The following OR10V1 variants were observed in gnomAD, a reference collection of about 807,000 sequenced individuals.
OR10V1 encodes olfactory receptor family 10 subfamily V member 1, also known as olfactory receptor 10V1.
For missense variants in OR10V1, 391 were observed against 378.8 expected (o/e 1.03, Z -0.27); for synonymous variants, 139 against 148.2 (o/e 0.94, Z 0.45).
Position 59,713,559 on chromosome 11 carries a change from G to C in OR10V1, c.287C>G (p.Thr96Arg). ...GAAAAACATCTGGGTGCCACATCCC[G>C]TGATGGAAACAGGAGTTTTGCCCAT... The part of the protein sequence containing the change: ...LSMGKTPVSI[T>R]GCGTQMFFFV... The change falls in exon 1 of 1, where the codon ACG (threonine) becomes AGG (arginine). Residue 96 changes from threonine (T) to arginine (R), a missense_variant. Transcript: ENST00000307552. 1 of 1,614,164 alleles carries C rather than the reference G, an allele frequency of 6.2e-7. No individual in the cohort carries two copies. The highest frequency in any genetic ancestry group is 8.5e-7 in the Non-Finnish European group (1 of 1,180,036).
rs200469203 is a variant in OR10V1, at chr11:59,713,629, A to G, written c.217T>C (p.Tyr73His). 6.2e-7 allele frequency: 1 copy of G among 1,614,140 alleles called. No homozygotes were observed. The highest frequency in any genetic ancestry group is 8.5e-7 in the Non-Finnish European group (1 of 1,180,022). Reference sequence around the variant, plus strand: ...GCCAATGGGGTGATGGAAGATGTATAGAAGATTTCTAGAACTGCCAGATTA... The same window carrying G: ...GCCAATGGGGTGATGGAAGATGTATGGAAGATTTCTAGAACTGCCAGATTA... ...LANLAVLEIFYTSSITPLALA... is the reference protein window; with the variant it reads ...LANLAVLEIFHTSSITPLALA... The change falls in exon 1 of 1, where the codon TAT (tyrosine) becomes CAT (histidine). Residue 73 changes from tyrosine to histidine, a missense_variant. Tyr to His is a moderately conservative substitution (Grantham distance 83). Transcript: ENST00000307552.
rs1177191101 is a variant in OR10V1, at chr11:59,713,392, G to C, written c.454C>G (p.Leu152Val). 3.1e-6 allele frequency: 5 copies of C among 1,613,648 alleles called. No individual in the cohort carries two copies. Among genetic ancestry groups the C allele is most frequent in the Non-Finnish European group, 4.2e-6 (5 of 1,179,974 alleles). ...CVELLVGSLV[L>V]GFLLSLPLTI... The stretch of plus-strand genomic sequence containing the variant: ...AGTGGCAGTGACAACAGGAACCCCA[G>C]CACCAAGGAGCCTACCAGCAGCTCC... The change falls in exon 1 of 1, where the codon CTG (leucine) becomes GTG (valine). Residue 152 changes from leucine (L) to valine (V), a missense_variant. Transcript: ENST00000307552.
In OR10V1 at chr11:59,713,772, A is replaced by C; in HGVS notation, c.74T>G (p.Met25Arg). The C allele has an allele frequency of 6.2e-7, 1 of 1,614,058 alleles. No individual in the cohort carries two copies. The highest frequency in any genetic ancestry group is 1.3e-5 in the African/African-American group (1 of 75,022). Residue 25 changes from methionine to arginine, a missense_variant, in exon 1 of 1, where the codon ATG becomes AGG. By Grantham distance (91) the Met-to-Arg change is moderately conservative. Coordinates refer to ENST00000307552, the MANE Select transcript of OR10V1 (RefSeq NM_001005324.1). ...RPFSPDPEVQ[M>R]LIFVVFLMMY... is the part of the protein sequence containing the mutation. Reference sequence around the variant, plus strand: ...CATCAGGAAGACCACAAAAATCAGCATCTGGACCTCAGGGTCAGGTGAGAA... The same window carrying C: ...CATCAGGAAGACCACAAAAATCAGCCTCTGGACCTCAGGGTCAGGTGAGAA...
Position 59,713,411 on chromosome 11 carries a change from C to T in OR10V1, c.435G>A (p.Leu145=). 1 of 1,613,800 alleles carries T rather than the reference C, an allele frequency of 6.2e-7. No individual in the cohort carries two copies. The highest frequency in any genetic ancestry group is 8.5e-7 in the Non-Finnish European group (1 of 1,179,942). The change falls in exon 1 of 1, where the codon CTG becomes CTA. Residue 145 remains leucine, a synonymous_variant. Transcript: ENST00000307552. ...LIMSWSLCVE[L]LVGSLVLGFL... Reference sequence around the variant, plus strand: ...ACCCCAGCACCAAGGAGCCTACCAGCAGCTCCACACACAAGGACCAGCTCA... The same window carrying T: ...ACCCCAGCACCAAGGAGCCTACCAGTAGCTCCACACACAAGGACCAGCTCA...
chr11:59,713,521 C>T lies in OR10V1; in HGVS notation c.325G>A (p.Gly109Ser), dbSNP rs202070215. Residue 109 changes from glycine (G) to serine (S), a missense_variant, in exon 1 of 1, where the codon GGT (glycine) becomes AGT (serine). By Grantham distance (56) the Gly-to-Ser change is moderately conservative. Coordinates refer to ENST00000307552, the MANE Select transcript of OR10V1 (RefSeq NM_001005324.1). ...ACCAGCAGGACACAATCAGCCCCAC[C>T]CAAGAAGACAAAGAAAAACATCTGG... ...GTQMFFFVFL[G>S]GADCVLLVVM... The T allele has an allele frequency of 8.1e-6, 13 of 1,614,028 alleles. No homozygotes were observed. The African/African-American group carries it at 1.7e-4, about 22-fold the overall frequency.
rs537595 is a variant in OR10V1 at position 59,713,543 on chromosome 11, C to T, written c.303G>A (p.Gln101=). ...CACCCAAGAAGACAAAGAAAAACATCTGGGTGCCACATCCCGTGATGGAAA... is the reference window on the plus strand; with the variant it reads ...CACCCAAGAAGACAAAGAAAAACATTTGGGTGCCACATCCCGTGATGGAAA... ...TPVSITGCGT[Q]MFFFVFLGGA... Residue 101 remains glutamine, a synonymous_variant, in exon 1 of 1, where the codon CAG becomes CAA. Coordinates refer to ENST00000307552, the MANE Select transcript of OR10V1 (RefSeq NM_001005324.1). The T allele has an allele frequency of 0.037, 58,919 of 1,613,990 alleles. 4,311 individuals are homozygous for T. The highest frequency in any genetic ancestry group is 0.27 in the African/African-American group (20,519 of 74,948).
In OR10V1 at chr11:59,713,358, A is replaced by C; in HGVS notation, c.488T>G (p.Leu163Ter). The C allele has an allele frequency of 6.2e-7, 1 of 1,613,976 alleles. No homozygotes were observed. The highest frequency in any genetic ancestry group is 8.5e-7 in the Non-Finnish European group (1 of 1,180,012). ...GFLLSLPLTI[L>*]IFHLPFCHND... ...GTGGCAGAATGGGAGATGGAAGATT[A>C]AAATGGTGAGTGGCAGTGACAACAG... Residue 163 changes from leucine (L) to a stop codon, truncating the protein, a stop_gained, in exon 1 of 1, where the codon TTA becomes TGA. Transcript: ENST00000307552. LOFTEE classifies it low-confidence loss of function (END_TRUNC).
chr11:59,713,681 G>A lies in OR10V1; in HGVS notation c.165C>T (p.Leu55=), dbSNP rs771739357. ...IAVIVQINHS[L]HTPMYFFLAN... ...CCAGGAAAAAGTACATGGGGGTGTG[G>A]AGGGAATGATTGATCTGAACAATGA... The change falls in exon 1 of 1, where the codon CTC becomes CTT. Residue 55 remains leucine (L), a synonymous_variant. Transcript: ENST00000307552. The A allele has an allele frequency of 1.2e-6, 2 of 1,614,014 alleles. No individual in the cohort carries two copies. The highest frequency in any genetic ancestry group is 2.7e-5 in the African/African-American group (2 of 74,926).
At position 59,713,103 on chromosome 11, in the gene OR10V1, A is replaced by T. The variant is rs766291994; in HGVS notation, c.743T>A (p.Val248Glu). 1 of 1,614,136 alleles carries T rather than the reference A, an allele frequency of 6.2e-7. No individual in the cohort carries two copies. The highest frequency in any genetic ancestry group is 1.7e-5 in the Admixed American group (1 of 60,006). ...GGTGCAGCCATACTGCAGGAGGACCACTAAGATGTGAGAAGAGCAGGTAGA... is the reference window on the plus strand; with the variant it reads ...GGTGCAGCCATACTGCAGGAGGACCTCTAAGATGTGAGAAGAGCAGGTAGA... ...AYSTCSSHIL[V>E]VLLQYGCTSF... is the part of the protein sequence containing the mutation. Residue 248 changes from valine (V) to glutamate (E), a missense_variant, in exon 1 of 1, where the codon GTG becomes GAG. By Grantham distance (121) the Val-to-Glu change is moderately radical (BLOSUM62 -2). Transcript: ENST00000307552.
In OR10V1 at chr11:59,713,468, C is replaced by T. The variant is rs758482844; in HGVS notation, c.378G>A (p.Ala126=). 2.7e-5 allele frequency: 43 copies of T among 1,613,236 alleles called. No homozygotes were observed. The highest frequency in any genetic ancestry group is 3.4e-5 in the Non-Finnish European group (40 of 1,179,696). ...GCCTGTATCGCAGAGGGTGACAGAT[C>T]GCTATAAACTGGTCATAAGCCATGA... The part of the protein sequence containing the change: ...LVVMAYDQFI[A]ICHPLRYRLI... Residue 126 remains alanine, a synonymous_variant, in exon 1 of 1, where the codon GCG becomes GCA. Transcript: ENST00000307552.
chr11:59,713,099 G>A lies in OR10V1; in HGVS notation c.747C>T (p.Val249=), dbSNP rs750400639. The stretch of plus-strand genomic sequence containing the variant: ...AGCTGGTGCAGCCATACTGCAGGAG[G>A]ACCACTAAGATGTGAGAAGAGCAGG... The part of the protein sequence containing the change: ...YSTCSSHILV[V]LLQYGCTSFI... Residue 249 remains valine (V), a synonymous_variant, in exon 1 of 1, where the codon GTC becomes GTT. Coordinates refer to ENST00000307552, the MANE Select transcript of OR10V1 (RefSeq NM_001005324.1). The A allele has an allele frequency of 2.5e-6, 4 of 1,613,988 alleles. No individual in the cohort carries two copies. The highest frequency in any genetic ancestry group is 3.4e-6 in the Non-Finnish European group (4 of 1,180,022).
Position 59,713,322 on chromosome 11 carries a change from A to G in OR10V1, c.524T>C (p.Ile175Thr), listed in dbSNP as rs775264159. ...FHLPFCHNDE[I>T]YHFYCDMPAV... is the part of the protein sequence containing the mutation. ...AGGCATGTCACAGTAGAAGTGGTAG[A>G]TCTCATCATTGTGGCAGAATGGGAG... The change falls in exon 1 of 1, where the codon ATC becomes ACC. Residue 175 changes from isoleucine to threonine, a missense_variant. Physicochemically the swap from Ile to Thr is moderately conservative, Grantham distance 89. Coordinates refer to ENST00000307552, the MANE Select transcript of OR10V1 (RefSeq NM_001005324.1). 14 of 1,613,874 alleles carry G rather than the reference A, an allele frequency of 8.7e-6. No homozygotes were observed. The Middle Eastern group carries it at 4.9e-4, about 57-fold the overall frequency.
Position 59,713,294 on chromosome 11 carries a change from T to C in OR10V1, c.552A>G (p.Ala184=). The C allele has an allele frequency of 1.2e-6, 2 of 1,614,142 alleles. No homozygotes were observed. The highest frequency in any genetic ancestry group is 2.2e-5 in the South Asian group (2 of 91,084). ...TGTCTGCACAAGCCAGGCGCATGAC[T>C]GCAGGCATGTCACAGTAGAAGTGGT... ...EIYHFYCDMP[A]VMRLACADTR... Residue 184 remains alanine (A), a synonymous_variant, in exon 1 of 1, where the codon GCA becomes GCG. Coordinates refer to ENST00000307552, the MANE Select transcript of OR10V1 (RefSeq NM_001005324.1).
At position 59,713,225 on chromosome 11, in the gene OR10V1, G is replaced by A. The variant is rs115927818; in HGVS notation, c.621C>T (p.Val207=). ...KTALYIISFI[V]LSIPLSLISI... ...AGATCAATGAGAGGGGGATGCTAAGGACGATGAAGCTGATGATATACAGAG... is the reference window on the plus strand; with the variant it reads ...AGATCAATGAGAGGGGGATGCTAAGAACGATGAAGCTGATGATATACAGAG... The change falls in exon 1 of 1, where the codon GTC becomes GTT. Residue 207 remains valine, a synonymous_variant. Coordinates refer to ENST00000307552, the MANE Select transcript of OR10V1 (RefSeq NM_001005324.1). 3.2e-3 allele frequency: 5,229 copies of A among 1,614,142 alleles called. 140 individuals carry two copies. The African/African-American group carries it at 0.059, about 18-fold the overall frequency.
Position 59,713,785 on chromosome 11 carries a change from G to C in OR10V1, c.61C>G (p.Pro21Ala), listed in dbSNP as rs371744782. The change falls in exon 1 of 1, where the codon CCT becomes GCT. Residue 21 changes from proline (P) to alanine (A), a missense_variant. Pro to Ala is a conservative substitution (Grantham distance 27). Coordinates refer to ENST00000307552, the MANE Select transcript of OR10V1 (RefSeq NM_001005324.1). Reference sequence around the variant, plus strand: ...ACAAAAATCAGCATCTGGACCTCAGGGTCAGGTGAGAATGGACGAAAGAAA... The same window carrying C: ...ACAAAAATCAGCATCTGGACCTCAGCGTCAGGTGAGAATGGACGAAAGAAA... ...QFFFRPFSPD[P>A]EVQMLIFVVF... 6 of 1,613,856 alleles carry C rather than the reference G, an allele frequency of 3.7e-6. No individual in the cohort carries two copies. Among genetic ancestry groups the C allele is most frequent in the Non-Finnish European group, 5.1e-6 (6 of 1,179,956 alleles).
Position 59,713,331 on chromosome 11 carries a change from T to TAGAAGTGGTAGTAGTAG in OR10V1, c.514_515insCTACTACTACCACTTCT (p.Asn172ThrfsTer49). 1.2e-6 allele frequency: 2 copies of TAGAAGTGGTAGTAGTAG among 1,613,988 alleles called. No individual in the cohort carries two copies. Among genetic ancestry groups the TAGAAGTGGTAGTAGTAG allele is most frequent in the Non-Finnish European group, 1.7e-6 (2 of 1,180,004 alleles). On this transcript the variant is annotated frameshift_variant, in exon 1 of 1. Transcript: ENST00000307552. LOFTEE classifies it low-confidence loss of function (END_TRUNC). ...ACAGTAGAAGTGGTAGATCTCATCA[T>TAGAAGTGGTAGTAGTAG]TGTGGCAGAATGGGAGATGGAAGAT...
Position 59,713,331 on chromosome 11 carries a change from T to C in OR10V1, c.515A>G (p.Asn172Ser), listed in dbSNP as rs753620599. ...ILIFHLPFCHNDEIYHFYCDM... is the reference protein window; with the variant it reads ...ILIFHLPFCHSDEIYHFYCDM... ...ACAGTAGAAGTGGTAGATCTCATCA[T>C]TGTGGCAGAATGGGAGATGGAAGAT... is the stretch of plus-strand genomic sequence containing the variant. The change falls in exon 1 of 1, where the codon AAT (asparagine) becomes AGT (serine). Residue 172 changes from asparagine (N) to serine (S), a missense_variant. By Grantham distance (46) the Asn-to-Ser change is conservative. Transcript: ENST00000307552. 4.1e-5 allele frequency: 66 copies of C among 1,613,870 alleles called. No individual in the cohort carries two copies. The highest frequency in any genetic ancestry group is 4.7e-5 in the Non-Finnish European group (56 of 1,180,012).
In OR10V1 at chr11:59,713,769, A is replaced by G; in HGVS notation, c.77T>C (p.Leu26Pro). The G allele has an allele frequency of 6.2e-7, 1 of 1,614,140 alleles. No homozygotes were observed. The highest frequency in any genetic ancestry group is 1.1e-5 in the South Asian group (1 of 91,078). The change falls in exon 1 of 1, where the codon CTG becomes CCG. Residue 26 changes from leucine (L) to proline (P), a missense_variant. Transcript: ENST00000307552. The stretch of plus-strand genomic sequence containing the variant: ...CATCATCAGGAAGACCACAAAAATC[A>G]GCATCTGGACCTCAGGGTCAGGTGA... ...PFSPDPEVQM[L>P]IFVVFLMMYL...
Position 59,713,773 on chromosome 11 carries a change from T to C in OR10V1, c.73A>G (p.Met25Val), listed in dbSNP as rs138674204. ...ATCAGGAAGACCACAAAAATCAGCA[T>C]CTGGACCTCAGGGTCAGGTGAGAAT... Reference protein sequence around the residue: ...RPFSPDPEVQMLIFVVFLMMY... With the variant: ...RPFSPDPEVQVLIFVVFLMMY... The change falls in exon 1 of 1, where the codon ATG becomes GTG. Residue 25 changes from methionine (M) to valine (V), a missense_variant. Met to Val is a conservative substitution (Grantham distance 21, BLOSUM62 1). Coordinates refer to ENST00000307552, the MANE Select transcript of OR10V1 (RefSeq NM_001005324.1). The C allele has an allele frequency of 1.6e-4, 260 of 1,614,052 alleles. No individual in the cohort carries two copies. In the African/African-American group the frequency reaches 3.3e-3, roughly 20 times the overall value.
Sources: gnomAD v4.1 joint callset for allele counts on GRCh38, gnomAD v4.1.1 for gene constraint, MANE v1.5 for transcripts, NCBI Gene and HGNC (gene_info 2026-07-23, HGNC 2026-07-21) for gene names.